Variants in SDK1 observed in about 807,000 individuals in gnomAD.
The protein encoded by SDK1 is protein sidekick-1.
In SDK1, 157 loss-of-function variants were observed where a neutral mutation model predicts 245.5. That is an observed-to-expected ratio of 0.64 (90% CI 0.56 to 0.73). SDK1 has a LOEUF of 0.73. Among genes scored for constraint, SDK1 ranks in the 30% least tolerant of loss-of-function variants. The pLI is 0.00. For synonymous variants in SDK1, 1,647 were observed against 1,278.5 expected, an observed-to-expected ratio of 1.29 and a Z score of -6.15; for missense variants, 3,583 against 3,002.3, an observed-to-expected ratio of 1.19 and a Z score of -4.52.
chr7:4,079,530 C>T lies in SDK1; in HGVS notation c.3270C>T (p.Phe1090=). Residue 1090 remains phenylalanine (F), a synonymous_variant, in exon 22 of 45, where the codon TTC becomes TTT. Coordinates refer to ENST00000404826, the MANE Select transcript of SDK1 (RefSeq NM_152744.4). ...NISPRSATLQ[F]RPGYDGKTSI... The stretch of plus-strand genomic sequence containing the variant: ...GCCCTCGCTCCGCCACCCTTCAGTT[C>T]CGGCCAGGCTATGACGGGAAAACGT... The T allele has an allele frequency of 6.2e-7, 1 of 1,614,230 alleles. No homozygotes were observed. Among genetic ancestry groups the T allele is most frequent in the Non-Finnish European group, 8.5e-7 (1 of 1,180,046 alleles).
chr7:3,764,150 T>C (rs1273601973), intron 4 of SDK1, among the ~76,000 whole-genome samples: 1 of 152,168 alleles, frequency 6.6e-6, no homozygotes, highest in Non-Finnish European at 1.5e-5. Flanking sequence ...CATTTTCCCT[T>C]TTCTATCTCA....
chr7:3,723,659 TGTG>T (rs1283026844), intron 4 of SDK1, among the ~76,000 whole-genome samples: 3 of 104,268 alleles, frequency 2.9e-5, no homozygotes, highest in Non-Finnish European at 3.7e-5. Flanking sequence ...AAGTAAAAGT[TGTG>T]TGTGTGTGTG....
intron 4 of SDK1, among the ~76,000 whole-genome samples, chr7:3,741,787 A>T (rs746605460): frequency 6.6e-6 from 1 of 152,142 alleles, no homozygotes; most frequent in Non-Finnish European, 1.5e-5. Flanking sequence ...CAAGTAGTAA[A>T]TGACTTTTCC....
At chr7:3,593,879 A>T (rs1780968354) in intron 1 of SDK1, among the ~76,000 whole-genome samples, 1 of 152,226 alleles carries the variant, frequency 6.6e-6, no homozygotes, top group South Asian at 2.1e-4. Context: ...TTGTAAAAGA[A>T]TGAAGATAAT....
intron 44 of SDK1, among the ~76,000 whole-genome samples, chr7:4,250,575 C>G (rs893434927): frequency 1.3e-5 from 2 of 152,052 alleles, no homozygotes; most frequent in African/African-American, 4.8e-5. Context: ...GAACTCCTGA[C>G]CTCAAGTGAT....
chr7:4,176,642 A>ATTC (rs1410406264), intron 34 of SDK1, among the ~76,000 whole-genome samples: 1 of 152,104 alleles, frequency 6.6e-6, no homozygotes, highest in Non-Finnish European at 1.5e-5. Flanking sequence ...TTAAATACTA[A>ATTC]TTCGTTATAC....
chr7:4,226,859 T>A (rs1275671789), intron 40 of SDK1, among the ~76,000 whole-genome samples: 1 of 152,196 alleles, frequency 6.6e-6, no homozygotes, highest in Non-Finnish European at 1.5e-5. Flanking sequence ...AAAGGAACTA[T>A]AAATATATTT....
At chr7:3,915,634 A>T (rs1035857041) in intron 5 of SDK1, among the ~76,000 whole-genome samples, 4 of 152,134 alleles carry the variant, frequency 2.6e-5, no homozygotes, top group Non-Finnish European at 4.4e-5. Flanking sequence ...TTCTTTATGA[A>T]TTGCCCAGTC....
intron 1 of SDK1, among the ~76,000 whole-genome samples, chr7:3,503,623 G>A (rs1291279687): frequency 2.6e-5 from 4 of 152,110 alleles, no homozygotes; most frequent in East Asian, 3.9e-4. Context: ...GCTGCAGTAC[G>A]CTATGACCAT....
rs1016555102 is a variant in SDK1 at position 3,787,894 on chromosome 7, A to G, written c.714-33556A>G. Among the ~76,000 whole-genome samples, 3 of 152,188 alleles carry G rather than the reference A, an allele frequency of 2.0e-5. 1 individual carries two copies. Among genetic ancestry groups the G allele is most frequent in the Admixed American group, 1.3e-4 (2 of 15,282 alleles). Reference sequence around the variant, plus strand: ...CTACCTCAGGACCGCTGGAGTTTGTATGGCTGTCAGTGTCACATGCGGTTG... The same window carrying G: ...CTACCTCAGGACCGCTGGAGTTTGTGTGGCTGTCAGTGTCACATGCGGTTG... On this transcript the variant is annotated intron_variant, in intron 4 of 44. Coordinates refer to ENST00000404826, the MANE Select transcript of SDK1 (RefSeq NM_152744.4).
chr7:4,262,395 A>G (rs1191235415), intron 44 of SDK1, among the ~76,000 whole-genome samples: 2 of 151,848 alleles, frequency 1.3e-5, no homozygotes, highest in African/African-American at 4.8e-5. Context: ...GTTTGCTTTC[A>G]GAAAATGAAC....
intron 5 of SDK1, among the ~76,000 whole-genome samples, chr7:3,839,410 C>G (rs1780102662): frequency 6.6e-6 from 1 of 152,146 alleles, no homozygotes; most frequent in African/African-American, 2.4e-5. Flanking sequence ...ATCAAGTTGT[C>G]AGCCAATAGA....
intron 1 of SDK1, among the ~76,000 whole-genome samples, chr7:3,325,191 C>T (rs1325946635): frequency 6.6e-6 from 1 of 151,998 alleles, no homozygotes; most frequent in Non-Finnish European, 1.5e-5. Context: ...TGAGATCTTA[C>T]AACCATAGAC....
chr7:3,917,893 C>T (rs1779440569), intron 5 of SDK1, among the ~76,000 whole-genome samples: 2 of 152,156 alleles, frequency 1.3e-5, no homozygotes, highest in African/African-American at 4.8e-5. Flanking sequence ...TTCTGGTCTC[C>T]ATACAAAGAT....
chr7:3,348,657 T>TC (rs1780571253), intron 1 of SDK1, among the ~76,000 whole-genome samples: 1 of 152,152 alleles, frequency 6.6e-6, no homozygotes, highest in Non-Finnish European at 1.5e-5. Flanking sequence ...TCATTTAGTA[T>TC]CCCCATGTAA....
intron 44 of SDK1, among the ~76,000 whole-genome samples, chr7:4,264,690 T>C (rs1788337662): frequency 6.8e-6 from 1 of 146,452 alleles, no homozygotes; most frequent in East Asian, 2.2e-4. Context: ...CGTAGATCTC[T>C]CCTGAGTGGG....
intron 22 of SDK1, among the ~76,000 whole-genome samples, chr7:4,107,262 C>A (rs1457458425): frequency 2.0e-5 from 3 of 152,022 alleles, no homozygotes; most frequent in Non-Finnish European, 4.4e-5. Context: ...TAAGTTGAAC[C>A]CGCCAGGCGT....
At chr7:3,584,714 AC>A (rs1780624029) in intron 1 of SDK1, among the ~76,000 whole-genome samples, 1 of 145,518 alleles carries the variant, frequency 6.9e-6, no homozygotes, top group Non-Finnish European at 1.5e-5. Flanking sequence ...AATTGGGGTG[AC>A]CCATGACTTC....
intron 1 of SDK1, among the ~76,000 whole-genome samples, chr7:3,356,883 C>G (rs1430562016): frequency 2.0e-5 from 3 of 151,720 alleles, no homozygotes; most frequent in African/African-American, 4.8e-5. Context: ...TGGTGAAACC[C>G]CATCTCTACT....
Sources: allele counts gnomAD v4.1 joint callset (sites outside exome capture counted in the v4.1 genomes callset), GRCh38; gene constraint gnomAD v4.1.1; transcripts MANE v1.5; gene names NCBI Gene and HGNC (gene_info 2026-07-23, HGNC 2026-07-21).